Variants in CNTN5 observed in about 807,000 individuals in gnomAD.
The protein encoded by CNTN5 is contactin 5, also known as contactin-5.
CNTN5 carries 77 observed loss-of-function variants against 129.1 expected under a neutral mutation model. The ratio of observed to expected loss-of-function variants is 0.60; its 90% CI spans 0.50 to 0.72. CNTN5 has a LOEUF of 0.72. Ranked by LOEUF, CNTN5 falls within the 30% of genes least tolerant of loss-of-function variation. The pLI is 0.00. For synonymous variants in CNTN5, 509 were observed against 465.6 expected (o/e 1.09, Z -1.20); for missense variants, 1,478 against 1,328.8 (o/e 1.11, Z -1.75).
chr11:100,090,276 T>C (rs2137988277), intron 13 of CNTN5, among the ~76,000 whole-genome samples: 1 of 152,112 alleles, frequency 6.6e-6, no homozygotes, highest in Middle Eastern at 3.4e-3. Flanking sequence ...AGCATTCACC[T>C]TGAGAACTAG....
chr11:99,578,598 C>T (rs1460322279), intron 3 of CNTN5, among the ~76,000 whole-genome samples: 1 of 149,438 alleles, frequency 6.7e-6, no homozygotes, highest in Non-Finnish European at 1.5e-5. Flanking sequence ...AGCATTTTTT[C>T]ATGTGTTTTT....
In CNTN5 at chr11:99,665,595, C is replaced by T. The variant is rs181259149; in HGVS notation, c.55+109326C>T. 1.3e-4 allele frequency among the ~76,000 whole-genome samples: 20 copies of T among 150,096 alleles called. No individual in the cohort carries two copies. In the East Asian group the frequency reaches 4.0e-3, roughly 30 times the overall value. The stretch of plus-strand genomic sequence containing the variant: ...CCACCTCCTGGGTTCAAGCAATTCT[C>T]CCTGTCTCAGCCTCCCAAGTGGCTG... On this transcript the variant is annotated intron_variant, in intron 3 of 24. Transcript: ENST00000524871.
chr11:99,457,553 A>G (rs549519950), intron 2 of CNTN5, among the ~76,000 whole-genome samples: 4 of 152,030 alleles, frequency 2.6e-5, no homozygotes, highest in Admixed American at 2.6e-4. Flanking sequence ...TATTTCCCCT[A>G]AAAGTTTTAT....
At chr11:100,001,342 A>G (rs1336323656) in intron 8 of CNTN5, among the ~76,000 whole-genome samples, 1 of 152,072 alleles carries the variant, frequency 6.6e-6, no homozygotes, top group African/African-American at 2.4e-5. Flanking sequence ...GGGGGAATCT[A>G]CCTCCATGAT....
chr11:99,819,565 G>T lies in CNTN5; in HGVS notation c.77G>T (p.Gly26Val), dbSNP rs767487705. The T allele has an allele frequency of 6.2e-7, 1 of 1,612,252 alleles. No individual in the cohort carries two copies. Among genetic ancestry groups the T allele is most frequent in the South Asian group, 1.1e-5 (1 of 91,058 alleles). Residue 26 changes from glycine (G) to valine (V), a missense_variant, in exon 4 of 25, where the codon GGT becomes GTT. Transcript: ENST00000524871. ...CLSEYSKSLPGLSTSYAALLR... is the reference protein window; with the variant it reads ...CLSEYSKSLPVLSTSYAALLR... ...ACAGAGTATTCAAAATCTCTTCCTG[G>T]TCTCTCCACTTCATATGCTGCTTTG...
At chr11:99,742,435 T>C (rs1197901144) in intron 3 of CNTN5, among the ~76,000 whole-genome samples, 2 of 152,154 alleles carry the variant, frequency 1.3e-5, no homozygotes, top group Non-Finnish European at 2.9e-5. Context: ...AACCAATCAT[T>C]TGTGCTCCTT....
chr11:100,126,971 G>C (rs1946202171), intron 13 of CNTN5, among the ~76,000 whole-genome samples: 1 of 151,934 alleles, frequency 6.6e-6, no homozygotes, highest in South Asian at 2.1e-4. Flanking sequence ...CCAGGATGGA[G>C]TGCAGTGGCA....
chr11:99,391,289 A>C (rs1165715006), intron 2 of CNTN5, among the ~76,000 whole-genome samples: 2 of 152,258 alleles, frequency 1.3e-5, no homozygotes, highest in Admixed American at 1.3e-4. Context: ...TTGTTCTTTT[A>C]ATTATAACTC....
intron 1 of CNTN5, among the ~76,000 whole-genome samples, chr11:99,173,880 G>A (rs1365958213): frequency 6.6e-6 from 1 of 152,198 alleles, no homozygotes; most frequent in East Asian, 1.9e-4. Flanking sequence ...GGTAGCCTAA[G>A]CAAGGATGGT....
chr11:99,317,129 T>A (rs1282524684), intron 1 of CNTN5, among the ~76,000 whole-genome samples: 16 of 152,166 alleles, frequency 1.1e-4, no homozygotes, highest in Non-Finnish European at 7.3e-5. Context: ...TTTTATTCCA[T>A]GACATTGGGC....
intron 4 of CNTN5, 141 bp downstream of exon 4, chr11:99,819,906 GT>G: frequency 3.1e-6 from 2 of 654,544 alleles, no homozygotes; most frequent in South Asian, 1.9e-5. Flanking sequence ...AAGCAGGAGA[GT>G]TTTTAAAGCT....
In CNTN5 at chr11:100,008,310, A is replaced by G. The variant is rs546545436; in HGVS notation, c.980+6174A>G. On this transcript the variant is annotated intron_variant, in intron 9 of 24. Transcript: ENST00000524871. Reference sequence around the variant, plus strand: ...CAGACCTTCAATTTGTGAAAAACACAGTGTCTGCAAAACACAATAAAGTGA... The same window carrying G: ...CAGACCTTCAATTTGTGAAAAACACGGTGTCTGCAAAACACAATAAAGTGA... 2.0e-5 allele frequency among the ~76,000 whole-genome samples: 3 copies of G among 152,240 alleles called. No individual in the cohort carries two copies. The South Asian group carries it at 6.2e-4, about 32-fold the overall frequency.
At chr11:100,227,472 G>A (rs1005405240) in intron 16 of CNTN5, among the ~76,000 whole-genome samples, 6 of 151,968 alleles carry the variant, frequency 3.9e-5, no homozygotes, top group African/African-American at 7.3e-5. Context: ...TCAACTGCTC[G>A]TTTGCACTTT....
At chr11:99,939,781 G>A (rs1426890770) in intron 7 of CNTN5, among the ~76,000 whole-genome samples, 1 of 152,010 alleles carries the variant, frequency 6.6e-6, no homozygotes, top group African/African-American at 2.4e-5. Flanking sequence ...ATATGATTGA[G>A]TCCTAATTTG....
chr11:99,515,592 A>G (rs979285224), intron 2 of CNTN5, among the ~76,000 whole-genome samples: 42 of 152,048 alleles, frequency 2.8e-4, no homozygotes, highest in African/African-American at 1.0e-3. Flanking sequence ...TATAAAGTTC[A>G]AAGTAGGAAC....
intron 17 of CNTN5, among the ~76,000 whole-genome samples, chr11:100,256,249 T>A (rs1484987648): frequency 6.6e-6 from 1 of 152,122 alleles, no homozygotes; most frequent in African/African-American, 2.4e-5. Context: ...TACATAACCA[T>A]AGTACAATTA....
At chr11:99,669,514 T>C (rs141571945) in intron 3 of CNTN5, among the ~76,000 whole-genome samples, 25 of 151,938 alleles carry the variant, frequency 1.6e-4, no homozygotes, top group African/African-American at 5.8e-4. Context: ...TTATGCTAGA[T>C]AATATTCATG....
intron 2 of CNTN5, among the ~76,000 whole-genome samples, chr11:99,395,090 A>C (rs1292320535): frequency 1.3e-5 from 2 of 151,690 alleles, no homozygotes; most frequent in Admixed American, 1.3e-4. Context: ...TGGTATCTCT[A>C]TCTTTAGGTC....
chr11:100,148,709 G>A (rs1946940793), intron 13 of CNTN5, among the ~76,000 whole-genome samples: 1 of 93,400 alleles, frequency 1.1e-5, no homozygotes, highest in Non-Finnish European at 2.0e-5. Flanking sequence ...TTACAGGTCA[G>A]ATAGATATAT....
Sources: gnomAD v4.1 joint callset for allele counts (sites outside exome capture counted in the v4.1 genomes callset) on GRCh38, gnomAD v4.1.1 for gene constraint, MANE v1.5 for transcripts, NCBI Gene and HGNC (gene_info 2026-07-23, HGNC 2026-07-21) for gene names.